Variants in ASIC2 observed in about 807,000 individuals in gnomAD.
The protein encoded by ASIC2 is acid-sensing ion channel 2.
Under a neutral mutation model 57.3 loss-of-function variants are expected in ASIC2, and 25 were observed. That is an observed-to-expected ratio of 0.44 (90% CI 0.32 to 0.61). ASIC2 has a LOEUF of 0.61. Ranked by LOEUF, ASIC2 falls within the 20% of genes least tolerant of loss-of-function variation. The probability of loss-of-function intolerance (pLI) is 0.06; values close to 1 mark genes in which losing one functional copy is unlikely to be tolerated. For synonymous variants in ASIC2, 319 were observed against 307.5 expected, an observed-to-expected ratio of 1.04 and a Z score of -0.39; for missense variants, 641 against 738.1, an observed-to-expected ratio of 0.87 and a Z score of 1.52.
intron 1 of ASIC2, among the ~76,000 whole-genome samples, chr17:33,699,274 T>C (rs1437169565): frequency 6.6e-6 from 1 of 152,166 alleles, no homozygotes; most frequent in Non-Finnish European, 1.5e-5. Flanking sequence ...CAGAATCACG[T>C]GGCCCATCCT....
chr17:33,760,436 G>A (rs1019141295), intron 1 of ASIC2, among the ~76,000 whole-genome samples: 16 of 151,840 alleles, frequency 1.1e-4, no homozygotes, highest in Admixed American at 5.9e-4. Flanking sequence ...ACAAATCATA[G>A]CCAGATTTTA....
intron 1 of ASIC2, among the ~76,000 whole-genome samples, chr17:33,167,000 AT>A (rs1487308216): frequency 1.3e-5 from 2 of 152,238 alleles, no homozygotes; most frequent in African/African-American, 4.8e-5. Flanking sequence ...AGAGCCAGCA[AT>A]GTCTGTCTCA....
At chr17:33,029,515 T>C (rs1362881303) in intron 3 of ASIC2, among the ~76,000 whole-genome samples, 2 of 152,238 alleles carry the variant, frequency 1.3e-5, no homozygotes, top group African/African-American at 4.8e-5. Flanking sequence ...ACACTAAAAT[T>C]TGCTTATCCA....
chr17:34,000,055 T>C (rs1472486303), intron 1 of ASIC2, among the ~76,000 whole-genome samples: 1 of 150,138 alleles, frequency 6.7e-6, no homozygotes, highest in African/African-American at 2.4e-5. Flanking sequence ...TTATTGTTGT[T>C]TTTTTTTTTT....
At chr17:34,068,921 A>G (rs1195635792) in intron 1 of ASIC2, among the ~76,000 whole-genome samples, 1 of 152,214 alleles carries the variant, frequency 6.6e-6, no homozygotes, top group African/African-American at 2.4e-5. Flanking sequence ...AAAGGCTTTT[A>G]GTAAGCAAGT....
chr17:33,823,154 T>G (rs184931505), intron 1 of ASIC2, among the ~76,000 whole-genome samples: 2 of 152,326 alleles, frequency 1.3e-5, no homozygotes, highest in East Asian at 3.9e-4. Context: ...GGGGGCTTTA[T>G]GCAGTCTTGC....
intron 1 of ASIC2, among the ~76,000 whole-genome samples, chr17:33,504,709 G>A (rs62055335): frequency 0.37 from 56,191 of 152,004 alleles, 11,120 homozygotes; most frequent in Non-Finnish European, 0.46. Context: ...TCAGCTTCTG[G>A]CCAGCTACTC....
intron 1 of ASIC2, among the ~76,000 whole-genome samples, chr17:33,787,715 G>A (rs187225917): frequency 6.6e-6 from 1 of 152,292 alleles, no homozygotes; most frequent in Non-Finnish European, 1.5e-5. Flanking sequence ...GACAATACAA[G>A]AGGAGCTCCA....
rs567334822 is a variant in ASIC2 at position 33,579,230 on chromosome 17, G to A, written c.556-467163C>T. Among the ~76,000 whole-genome samples the A allele has an allele frequency of 2.0e-5, 3 of 146,596 alleles. No individual in the cohort carries two copies. The Admixed American group carries it at 2.1e-4, about 10-fold the overall frequency. On this transcript the variant is annotated intron_variant, in intron 1 of 9. Transcript: ENST00000359872. Reference sequence around the variant, plus strand: ...GAACCCGGGAGGCAGAGGTTGCAGTGAGCCAAAATCACACCATTGCACTCC... The same window carrying A: ...GAACCCGGGAGGCAGAGGTTGCAGTAAGCCAAAATCACACCATTGCACTCC...
At chr17:34,031,430 C>T (rs1907607218) in intron 1 of ASIC2, among the ~76,000 whole-genome samples, 1 of 152,102 alleles carries the variant, frequency 6.6e-6, no homozygotes, top group South Asian at 2.1e-4. Context: ...AGGAGAAAAA[C>T]TGGAAACTGT....
chr17:33,946,593 G>A (rs1027215372), intron 1 of ASIC2, among the ~76,000 whole-genome samples: 1 of 152,192 alleles, frequency 6.6e-6, no homozygotes, highest in Non-Finnish European at 1.5e-5. Flanking sequence ...AACGAGACAT[G>A]TTCACTGCCT....
chr17:33,862,392 T>C (rs966350640), intron 1 of ASIC2, among the ~76,000 whole-genome samples: 4 of 151,668 alleles, frequency 2.6e-5, no homozygotes, highest in Non-Finnish European at 5.9e-5. Context: ...TATGTCCCTG[T>C]TTTTCTTTTT....
At chr17:33,097,423 G>A (rs2092186761) in intron 2 of ASIC2, among the ~76,000 whole-genome samples, 1 of 152,196 alleles carries the variant, frequency 6.6e-6, no homozygotes, top group Admixed American at 6.5e-5. Context: ...AGAAAGTAAA[G>A]AACAGACCCG....
At chr17:33,166,342 CAAA>C (rs1905305463) in intron 1 of ASIC2, among the ~76,000 whole-genome samples, 1 of 152,176 alleles carries the variant, frequency 6.6e-6, no homozygotes, top group Non-Finnish European at 1.5e-5. Context: ...TCTCTGCTGT[CAAA>C]AAGCTCATTG....
chr17:33,401,138 C>T (rs774762795), intron 1 of ASIC2, among the ~76,000 whole-genome samples: 44 of 152,136 alleles, frequency 2.9e-4, no homozygotes, highest in Admixed American at 1.1e-3. Flanking sequence ...TGCTTCCATC[C>T]GGGAGAGCCA....
At position 34,058,181 on chromosome 17, in the gene ASIC2, C is replaced by T. The variant is rs78150523; in HGVS notation, c.555+97797G>A. On this transcript the variant is annotated intron_variant, in intron 1 of 9. Transcript: ENST00000359872. ...TTTACATTTTACCTTATATCTGAGT[C>T]GGTTCTGTACATGTCATCTTCTGGC... Among the ~76,000 whole-genome samples the T allele has an allele frequency of 1.6e-4, 24 of 152,296 alleles. 1 individual carries two copies. In the East Asian group the frequency reaches 3.5e-3, roughly 22 times the overall value.
chr17:33,949,147 T>C (rs1904478494), intron 1 of ASIC2, among the ~76,000 whole-genome samples: 1 of 152,000 alleles, frequency 6.6e-6, no homozygotes, highest in Non-Finnish European at 1.5e-5. Context: ...CAAAAACAAG[T>C]GGTGGGTCAA....
chr17:33,914,195 C>G (rs1223546943), intron 1 of ASIC2, among the ~76,000 whole-genome samples: 1 of 152,190 alleles, frequency 6.6e-6, no homozygotes, highest in East Asian at 1.9e-4. Context: ...TATAGGACAT[C>G]TACATTGCAA....
At chr17:33,972,833 A>C (rs924091899) in intron 1 of ASIC2, among the ~76,000 whole-genome samples, 1 of 152,238 alleles carries the variant, frequency 6.6e-6, no homozygotes, top group African/African-American at 2.4e-5. Context: ...GTCGCAGACA[A>C]TGAAAGAGTC....
Sources: allele counts gnomAD v4.1 joint callset (sites outside exome capture counted in the v4.1 genomes callset), GRCh38; gene constraint gnomAD v4.1.1; transcripts MANE v1.5; gene names NCBI Gene and HGNC (gene_info 2026-07-23, HGNC 2026-07-21).